CCL25: variants seen among roughly 807,000 people sequenced by gnomAD.
CCL25 encodes the protein C-C motif chemokine 25.
CCL25 carries 14 observed loss-of-function variants against 19.9 expected under a neutral mutation model. The ratio of observed to expected loss-of-function variants is 0.70; its 90% confidence interval spans 0.47 to 1.10. CCL25 has a LOEUF of 1.10. Ranked by LOEUF, CCL25 falls within the 50% of genes least tolerant of loss-of-function variation. The pLI, the probability that CCL25 is intolerant of heterozygous loss-of-function variation, is 0.00. For synonymous variants in CCL25, 68 were observed against 73.2 expected (o/e 0.93, Z 0.36); for missense variants, 151 against 181.2 (o/e 0.83, Z 0.96).
rs2081243314 is a variant in CCL25, at chr19:8,053,042, C to T, written c.-8C>T. The T allele has an allele frequency of 6.5e-7, 1 of 1,549,218 alleles. No homozygotes were observed. Among genetic ancestry groups the T allele is most frequent in the Admixed American group, 2.0e-5 (1 of 50,804 alleles). ...CCAGGTGCCCAGGGAGGAGGACCCG[C>T]CTGCAGCATGAACCTGTGGCTCCTG... On this transcript the variant is annotated 5_prime_UTR_variant, in exon 2 of 6. Transcript: ENST00000315626.
chr19:8,059,732 G>A (rs1387827610), intron 5 of CCL25, among the ~76,000 whole-genome samples: 1 of 152,142 alleles, frequency 6.6e-6, no homozygotes, highest in Non-Finnish European at 1.5e-5. Context: ...TTACAAAGGG[G>A]CTGGGCATGG....
chr19:8,053,225 T>G, intron 2 of CCL25, 103 bp downstream of exon 2: 3 of 644,848 alleles, frequency 4.7e-6, no homozygotes, highest in Non-Finnish European at 7.6e-6. Flanking sequence ...CAATCCCATC[T>G]CCACTGAATT....
At position 8,053,032 on chromosome 19, in the gene CCL25, G is replaced by A. The variant is rs1353783333; in HGVS notation, c.-18G>A. The A allele has an allele frequency of 3.2e-6, 5 of 1,544,746 alleles. No individual in the cohort carries two copies. The highest frequency in any genetic ancestry group is 2.0e-5 in the Admixed American group (1 of 50,354). ...CGTTATTCGTCCAGGTGCCCAGGGA[G>A]GAGGACCCGCCTGCAGCATGAACCT... On this transcript the variant is annotated 5_prime_UTR_variant, in exon 2 of 6. Transcript: ENST00000315626.
Position 8,062,260 on chromosome 19 carries a change from G to C in CCL25, c.*35G>C. Reference sequence around the variant, plus strand: ...TTTCTGGGCTCCATCGGCACAGGAGGGGCCGGATCTTTCTCCGATAAAACC... The same window carrying C: ...TTTCTGGGCTCCATCGGCACAGGAGCGGCCGGATCTTTCTCCGATAAAACC... On this transcript the variant is annotated 3_prime_UTR_variant, in exon 6 of 6. Transcript: ENST00000315626. 1 of 1,612,184 alleles carries C rather than the reference G, an allele frequency of 6.2e-7. No individual in the cohort carries two copies. The highest frequency in any genetic ancestry group is 8.5e-7 in the Non-Finnish European group (1 of 1,179,494).
Position 8,053,023 on chromosome 19 carries a change from G to A in CCL25, c.-27G>A. 1 of 1,530,616 alleles carries A rather than the reference G, an allele frequency of 6.5e-7. No individual in the cohort carries two copies. The highest frequency in any genetic ancestry group is 1.2e-5 in the South Asian group (1 of 82,768). The allele number at this position is 1,530,616 out of a possible 1,614,324, so 94.8% of individuals were successfully genotyped here. A position where few individuals can be genotyped will look rare whatever the true frequency, so the allele number is the denominator to read the frequency against. On this transcript the variant is annotated 5_prime_UTR_variant, in exon 2 of 6. Coordinates refer to ENST00000315626, the MANE Select transcript of CCL25 (RefSeq NM_005624.4). The stretch of plus-strand genomic sequence containing the variant: ...AGGTGGCCCCGTTATTCGTCCAGGT[G>A]CCCAGGGAGGAGGACCCGCCTGCAG...
chr19:8,056,598 T>C (rs2081274513), intron 4 of CCL25, 99 bp downstream of exon 4: 1 of 1,358,432 alleles, frequency 7.4e-7, no homozygotes, highest in Non-Finnish European at 1.0e-6. Context: ...GAGACCAGAA[T>C]ACTGACACCT....
chr19:8,058,088 A>G (rs1257601241), intron 5 of CCL25, among the ~76,000 whole-genome samples, 168 bp downstream of exon 5: 1 of 151,736 alleles, frequency 6.6e-6, no homozygotes. Context: ...GTGGCTGTCC[A>G]CTGCTGTGAC....
chr19:8,053,228 A>C, intron 2 of CCL25, 106 bp downstream of exon 2: 2 of 636,276 alleles, frequency 3.1e-6, no homozygotes, highest in Non-Finnish European at 5.2e-6. Context: ...TCCCATCTCC[A>C]CTGAATTCTC....
At chr19:8,054,230 C>G (rs1034406647) in intron 2 of CCL25, among the ~76,000 whole-genome samples, 1 of 152,236 alleles carries the variant, frequency 6.6e-6, no homozygotes, top group Non-Finnish European at 1.5e-5. Context: ...CCACCTGCCC[C>G]TCGGCTGGGT....
intron 2 of CCL25, among the ~76,000 whole-genome samples, chr19:8,054,479 T>TGGGCTCTGCAGGGACTC (rs1196472202): frequency 6.6e-6 from 1 of 152,198 alleles, no homozygotes; most frequent in Non-Finnish European, 1.5e-5. Flanking sequence ...CCTGCTGGGC[T>TGGGCTCTGCAGGGACTC]GGGCTCTGCA....
At chr19:8,054,307 A>C (rs563516662) in intron 2 of CCL25, among the ~76,000 whole-genome samples, 4 of 152,200 alleles carry the variant, frequency 2.6e-5, no homozygotes, top group Admixed American at 6.5e-5. Flanking sequence ...TTGTTTTGCT[A>C]TCAGAGCCAG....
At chr19:8,054,230 C>T (rs1034406647) in intron 2 of CCL25, among the ~76,000 whole-genome samples, 1 of 152,236 alleles carries the variant, frequency 6.6e-6, no homozygotes, top group Admixed American at 6.5e-5. Flanking sequence ...CCACCTGCCC[C>T]TCGGCTGGGT....
At chr19:8,057,705 C>A in intron 4 of CCL25, 96 bp from the exon 5 acceptor site, 1 of 1,461,438 alleles carries the variant, frequency 6.8e-7, no homozygotes, top group Non-Finnish European at 9.1e-7. Flanking sequence ...GACTCATTGG[C>A]TTAAATAACC....
intron 4 of CCL25, 137 bp downstream of exon 4, chr19:8,056,636 T>C (rs1298389823): frequency 2.6e-5 from 25 of 954,018 alleles, no homozygotes; most frequent in Non-Finnish European, 3.1e-6. Context: ...AGCCAGTTGC[T>C]GGTGAGTGGG....
intron 4 of CCL25, among the ~76,000 whole-genome samples, 186 bp downstream of exon 4, chr19:8,056,685 GT>G (rs1277203723): frequency 2.0e-5 from 3 of 152,224 alleles, no homozygotes; most frequent in Non-Finnish European, 4.4e-5. Flanking sequence ...TCATTGTCCA[GT>G]TTTTGTTTCT....
chr19:8,060,176 A>G (rs1169824906), intron 5 of CCL25, among the ~76,000 whole-genome samples: 1 of 151,672 alleles, frequency 6.6e-6, no homozygotes, highest in African/African-American at 2.4e-5. Context: ...TCAAGAAAAA[A>G]AAAAACAAAT....
chr19:8,055,213 C>G (rs1415765566), intron 2 of CCL25, among the ~76,000 whole-genome samples: 2 of 122,862 alleles, frequency 1.6e-5, no homozygotes, highest in Non-Finnish European at 3.4e-5. Context: ...CGCTTGAACC[C>G]GGGAGGCAGA....
rs780041285 is a variant in CCL25, at chr19:8,062,228, C to T, written c.*3C>T. On this transcript the variant is annotated 3_prime_UTR_variant, in exon 6 of 6. Coordinates refer to ENST00000315626, the MANE Select transcript of CCL25 (RefSeq NM_005624.4). Reference sequence around the variant, plus strand: ...TCATTGCTTCTGCAGGACTGTGAGCCGGCTCATTTCTGGGCTCCATCGGCA... The same window carrying T: ...TCATTGCTTCTGCAGGACTGTGAGCTGGCTCATTTCTGGGCTCCATCGGCA... 8.1e-6 allele frequency: 13 copies of T among 1,612,876 alleles called. No homozygotes were observed. The highest frequency in any genetic ancestry group is 5.5e-5 in the South Asian group (5 of 91,018).
intron 5 of CCL25, among the ~76,000 whole-genome samples, chr19:8,059,401 G>A (rs1320574481): frequency 6.6e-6 from 1 of 150,996 alleles, no homozygotes; most frequent in African/African-American, 2.4e-5. Context: ...GTTTCGTCAT[G>A]TTGCTTAGGC....
Sources: gnomAD v4.1 joint callset for allele counts (sites outside exome capture counted in the v4.1 genomes callset) on GRCh38, gnomAD v4.1.1 for gene constraint, MANE v1.5 for transcripts, NCBI Gene and HGNC (gene_info 2026-07-23, HGNC 2026-07-21) for gene names.